Variants in MYT1L observed in about 807,000 individuals in gnomAD.
The protein encoded by MYT1L is myelin transcription factor 1-like protein.
Under a neutral mutation model 126.7 loss-of-function variants are expected in MYT1L, and 12 were observed. The observed-to-expected ratio is 0.09, with a 90% CI of 0.06 to 0.15. MYT1L has a LOEUF of 0.15. MYT1L is among the 10% of genes least tolerant of loss of function. The pLI, the probability that MYT1L is intolerant of heterozygous loss-of-function variation, is 1.00. For synonymous variants in MYT1L, 541 were observed against 604.2 expected (o/e 0.90, Z 1.53); for missense variants, 979 against 1,585.2 (o/e 0.62, Z 6.49).
At chr2:2,119,359 G>GAAAAAA (rs2080658674) in intron 3 of MYT1L, among the ~76,000 whole-genome samples, 1 of 152,126 alleles carries the variant, frequency 6.6e-6, no homozygotes, top group Non-Finnish European at 1.5e-5. Flanking sequence ...GAAAAATGTA[G>GAAAAAA]TCTAAGGTAA....
intron 1 of MYT1L, among the ~76,000 whole-genome samples, chr2:2,296,555 T>C (rs1218412280): frequency 2.0e-5 from 3 of 152,228 alleles, no homozygotes; most frequent in Non-Finnish European, 2.9e-5. Context: ...GCAGATGTTT[T>C]GTTTTTTTCT....
At chr2:2,291,762 C>T (rs1037356429) in intron 1 of MYT1L, among the ~76,000 whole-genome samples, 1 of 152,212 alleles carries the variant, frequency 6.6e-6, no homozygotes, top group Non-Finnish European at 1.5e-5. Context: ...CCCCGACCCA[C>T]GCACCCTGTG....
At chr2:1,976,346 A>G (rs920012607) in intron 8 of MYT1L, among the ~76,000 whole-genome samples, 2 of 152,202 alleles carry the variant, frequency 1.3e-5, no homozygotes, top group African/African-American at 4.8e-5. Flanking sequence ...AAACCAGTAA[A>G]AAAACAATGC....
At chr2:2,220,054 G>C (rs2093812369) in intron 2 of MYT1L, among the ~76,000 whole-genome samples, 1 of 152,100 alleles carries the variant, frequency 6.6e-6, no homozygotes, top group Admixed American at 6.5e-5. Flanking sequence ...GTGGAGAAGA[G>C]GGGAGGATGG....
chr2:1,881,355 C>CGTGTGTGTGTGTGTGTGTGTGT (rs59171974), intron 18 of MYT1L, among the ~76,000 whole-genome samples: 4 of 139,124 alleles, frequency 2.9e-5, no homozygotes, highest in African/African-American at 1.1e-4. Context: ...TTTGCAGGTT[C>CGTGTGTGTGTGTGTGTGTGTGT]GTGTGTGTGT....
At chr2:2,045,489 G>A (rs2068067839) in intron 4 of MYT1L, among the ~76,000 whole-genome samples, 1 of 152,184 alleles carries the variant, frequency 6.6e-6, no homozygotes, top group Admixed American at 6.5e-5. Context: ...CCACCCACCT[G>A]CTCATGAAAC....
chr2:2,249,972 T>C (rs2094604621), intron 2 of MYT1L, among the ~76,000 whole-genome samples: 1 of 152,120 alleles, frequency 6.6e-6, no homozygotes, highest in Non-Finnish European at 1.5e-5. Flanking sequence ...TACAATGAGA[T>C]ATCATCTCAC....
At chr2:2,128,393 C>A (rs188249933) in intron 3 of MYT1L, among the ~76,000 whole-genome samples, 7 of 152,278 alleles carry the variant, frequency 4.6e-5, no homozygotes, top group African/African-American at 1.7e-4. Flanking sequence ...CTCAAGTGAT[C>A]CACCTGGCTC....
At chr2:2,243,816 C>G (rs1249414293) in intron 2 of MYT1L, among the ~76,000 whole-genome samples, 1 of 152,176 alleles carries the variant, frequency 6.6e-6, no homozygotes, top group African/African-American at 2.4e-5. Flanking sequence ...TGTTAGATGA[C>G]ACATTTCAGT....
At chr2:2,278,140 G>C (rs1161191567) in intron 2 of MYT1L, among the ~76,000 whole-genome samples, 1 of 152,122 alleles carries the variant, frequency 6.6e-6, no homozygotes, top group Non-Finnish European at 1.5e-5. Context: ...AATGGTAGTG[G>C]CCATATTTGT....
intron 1 of MYT1L, among the ~76,000 whole-genome samples, chr2:2,297,700 A>C (rs548244615): frequency 1.3e-5 from 2 of 152,262 alleles, no homozygotes; most frequent in East Asian, 3.9e-4. Flanking sequence ...AGGAAGAACA[A>C]ATGTGTCCTT....
At chr2:1,827,100 G>C (rs150469565) in intron 21 of MYT1L, 8 of 152,436 alleles carry the variant, frequency 5.2e-5, no homozygotes, top group African/African-American at 1.9e-4. Context: ...CCTGGACACA[G>C]CGCAGCAACA....
chr2:1,899,949 G>T (rs1378896164), intron 14 of MYT1L, among the ~76,000 whole-genome samples: 1 of 152,178 alleles, frequency 6.6e-6, no homozygotes, highest in East Asian at 1.9e-4. Flanking sequence ...TTTTGTGAGT[G>T]GTTTGATCAC....
chr2:1,945,057 G>C (rs929625838), intron 8 of MYT1L, among the ~76,000 whole-genome samples: 1 of 152,144 alleles, frequency 6.6e-6, no homozygotes, highest in African/African-American at 2.4e-5. Context: ...ATGAACATAT[G>C]TAAGAACACC....
rs141139651 is a variant in MYT1L, at chr2:2,044,696, T to G, written c.-158+9282A>C. On this transcript the variant is annotated intron_variant, in intron 4 of 24. Transcript: ENST00000647738. ...TTGGGGAGAGATGGTGATTGGGCGA[T>G]GGGGGCCATGGCTAGCCTTCTTCCC... Among the ~76,000 whole-genome samples the G allele has an allele frequency of 7.5e-4, 114 of 152,318 alleles. 1 individual carries two copies. The highest frequency in any genetic ancestry group is 2.1e-4 in the Non-Finnish European group (14 of 68,028).
chr2:1,865,151 G>A (rs1052024817), intron 18 of MYT1L, among the ~76,000 whole-genome samples: 6 of 152,170 alleles, frequency 3.9e-5, no homozygotes, highest in Non-Finnish European at 7.3e-5. Context: ...GTCCCTGGGC[G>A]TCTGTGTGGA....
chr2:1,956,546 T>TATCA (rs2058458113), intron 8 of MYT1L, among the ~76,000 whole-genome samples: 1 of 147,312 alleles, frequency 6.8e-6, no homozygotes, highest in African/African-American at 2.5e-5. Context: ...TCTATCTATC[T>TATCA]ATCATCTATC....
At chr2:2,094,672 A>G (rs1033256469) in intron 3 of MYT1L, among the ~76,000 whole-genome samples, 3 of 151,906 alleles carry the variant, frequency 2.0e-5, no homozygotes, top group Admixed American at 6.6e-5. Flanking sequence ...TATCACAAGG[A>G]CAAAAAATCA....
chr2:1,936,710 T>C (rs1441959061), intron 9 of MYT1L, among the ~76,000 whole-genome samples: 1 of 152,184 alleles, frequency 6.6e-6, no homozygotes, highest in African/African-American at 2.4e-5. Flanking sequence ...TCATCAGGGA[T>C]ATTTCCCTGA....
Sources: gnomAD v4.1 joint callset for allele counts (sites outside exome capture counted in the v4.1 genomes callset) on GRCh38, gnomAD v4.1.1 for gene constraint, MANE v1.5 for transcripts, NCBI Gene and HGNC (gene_info 2026-07-23, HGNC 2026-07-21) for gene names.